TMEM67: variants seen among roughly 807,000 people sequenced by gnomAD.
TMEM67 encodes the protein transmembrane protein 67, also known as meckelin.
Under a neutral mutation model 136.6 loss-of-function variants are expected in TMEM67, and 124 were observed. The observed-to-expected ratio is 0.91, with a 90% CI of 0.78 to 1.05. The LOEUF is 1.05. Among genes scored for constraint, TMEM67 ranks in the 50% least tolerant of loss-of-function variants. TMEM67 has a pLI of 0.00. For synonymous variants in TMEM67, 364 were observed against 390.5 expected (o/e 0.93, Z 0.80); for missense variants, 1,107 against 1,178.4 (o/e 0.94, Z 0.89).
intron 14 of TMEM67, among the ~76,000 whole-genome samples, chr8:93,789,939 A>G (rs1001769213): frequency 6.6e-6 from 1 of 151,602 alleles, no homozygotes; most frequent in Non-Finnish European, 1.5e-5. Context: ...TTATCTGGGC[A>G]TGGTGGCAGG....
chr8:93,792,543 A>G (rs961101281), intron 15 of TMEM67, among the ~76,000 whole-genome samples: 1 of 152,168 alleles, frequency 6.6e-6, no homozygotes, highest in African/African-American at 2.4e-5. Flanking sequence ...TATTTGCCTG[A>G]TGGTGATTTT....
chr8:93,801,296 GGAAT>G (rs766648164), intron 21 of TMEM67, among the ~76,000 whole-genome samples: 204 of 152,124 alleles, frequency 1.3e-3, no homozygotes, highest in Non-Finnish European at 2.5e-3. Flanking sequence ...GTACAGTGAT[GGAAT>G]CATAGTTCAC....
At chr8:93,804,317 T>C (rs1218568340) in intron 22 of TMEM67, among the ~76,000 whole-genome samples, 1 of 133,736 alleles carries the variant, frequency 7.5e-6, no homozygotes, top group African/African-American at 3.1e-5. Context: ...TTTCTTTTTT[T>C]TTTTTTTTTT....
At chr8:93,802,697 G>T (rs762443590) in intron 21 of TMEM67, among the ~76,000 whole-genome samples, 22 of 152,086 alleles carry the variant, frequency 1.4e-4, no homozygotes, top group Non-Finnish European at 2.8e-4. Flanking sequence ...GCTTTTAAGT[G>T]GTGTCTTTTA....
At chr8:93,801,457 A>G (rs1261917406) in intron 21 of TMEM67, among the ~76,000 whole-genome samples, 1 of 150,442 alleles carries the variant, frequency 6.6e-6, no homozygotes, top group Non-Finnish European at 1.5e-5. Context: ...GCTGTAGTGC[A>G]GTGGCGTGAT....
chr8:93,803,528 A>G (rs539566310), intron 21 of TMEM67, 76 bp from the exon 22 acceptor site: 1 of 946,364 alleles, frequency 1.1e-6, no homozygotes, highest in East Asian at 2.4e-5. Context: ...TTTTTTCTTA[A>G]GATGCTACAC....
Position 93,765,632 on chromosome 8 carries a change from C to T in TMEM67, c.637C>T (p.Arg213Cys), listed in dbSNP as rs1356516823. The T allele has an allele frequency of 4.3e-6, 7 of 1,610,842 alleles. No individual in the cohort carries two copies. Among genetic ancestry groups the T allele is most frequent in the Admixed American group, 1.7e-5 (1 of 60,004 alleles). Reference protein sequence around the residue: ...NFPLRRISAARYGEVGMSLTS... With the variant: ...NFPLRRISAACYGEVGMSLTS... ...TCCTCTACGTAGAATTTCAGCTGCA[C>T]GTTATGGAGAAGTTGTGAGTATGTT... The change falls in exon 6 of 28, where the codon CGT becomes TGT. Residue 213 changes from arginine (R) to cysteine (C), a missense_variant. Arg to Cys is a radical substitution (Grantham distance 180, BLOSUM62 -3). This residue lies in a region of TMEM67 where 925 missense variants were observed against 1,002.4 expected (regional missense o/e 0.92). Coordinates refer to ENST00000453321, the MANE Select transcript of TMEM67 (RefSeq NM_153704.6).
rs1415395577 is a variant in TMEM67, at chr8:93,780,916, A to G, written c.912A>G (p.Gly304=). 6.2e-7 allele frequency: 1 copy of G among 1,612,526 alleles called. No individual in the cohort carries two copies. Among genetic ancestry groups the G allele is most frequent in the Admixed American group, 1.7e-5 (1 of 60,022 alleles). Residue 304 remains glycine, a synonymous_variant, in exon 9 of 28, where the codon GGA becomes GGG. Coordinates refer to ENST00000453321, the MANE Select transcript of TMEM67 (RefSeq NM_153704.6). ...LPWLFYGDQL[G]LAPQVLSSTS... ...GGCTGTTTTATGGAGACCAGTTAGG[A>G]TTAGCACCTCAAGTGCTCAGTTCTA...
At chr8:93,755,984 C>CATAG in intron 2 of TMEM67, 118 bp downstream of exon 2, 1 of 611,894 alleles carries the variant, frequency 1.6e-6, no homozygotes, top group Non-Finnish European at 2.8e-6. Context: ...AATTACTATG[C>CATAG]TAATTTTATT....
intron 3 of TMEM67, among the ~76,000 whole-genome samples, chr8:93,763,444 CCTT>C (rs1401420748): frequency 6.6e-6 from 1 of 152,112 alleles, no homozygotes; most frequent in Non-Finnish European, 1.5e-5. Context: ...CTACTAAAAG[CCTT>C]CTAAGTTGCA....
Position 93,786,229 on chromosome 8 carries a change from A to T in TMEM67, c.1295A>T (p.Asn432Ile). ...TTTCTTTTTATAATAAAAGACAGCA[A>T]CTCTGGAAAGTGGCTTCTAACTCGG... is the stretch of plus-strand genomic sequence containing the variant. ...HNKIFVNQDS[N>I]SGKWLLTRRI... is the part of the protein sequence containing the mutation. The change falls in exon 13 of 28, where the codon AAC becomes ATC. Residue 432 changes from asparagine to isoleucine, a missense_variant. By Grantham distance (149) the Asn-to-Ile change is moderately radical. Transcript: ENST00000453321. The T allele has an allele frequency of 6.2e-7, 1 of 1,613,934 alleles. No individual in the cohort carries two copies. Among genetic ancestry groups the T allele is most frequent in the Non-Finnish European group, 8.5e-7 (1 of 1,179,952 alleles).
At chr8:93,811,645 TA>T (rs1303693978) in intron 26 of TMEM67, among the ~76,000 whole-genome samples, 1 of 152,168 alleles carries the variant, frequency 6.6e-6, no homozygotes, top group Non-Finnish European at 1.5e-5. Context: ...TAATCACCCT[TA>T]ATCTATTTTT....
intron 6 of TMEM67, among the ~76,000 whole-genome samples, chr8:93,766,210 G>A (rs956191745): frequency 2.0e-5 from 3 of 151,790 alleles, no homozygotes; most frequent in Non-Finnish European, 4.4e-5. Context: ...TGCAACCTCC[G>A]CCTCCCAGGT....
intron 14 of TMEM67, among the ~76,000 whole-genome samples, chr8:93,788,719 A>G (rs780044646): frequency 2.6e-5 from 4 of 152,216 alleles, no homozygotes; most frequent in Admixed American, 1.3e-4. Flanking sequence ...CTTTATAACT[A>G]GTATTGCTAA....
At chr8:93,814,036 T>TA (rs1404271534) in intron 26 of TMEM67, among the ~76,000 whole-genome samples, 2 of 152,100 alleles carry the variant, frequency 1.3e-5, no homozygotes, top group African/African-American at 4.8e-5. Context: ...CCCTCTTGTA[T>TA]AAAGCAGATG....
At chr8:93,765,518 A>G (rs1438938187) in intron 5 of TMEM67, 43 bp downstream of exon 5, 4 of 1,599,516 alleles carry the variant, frequency 2.5e-6, no homozygotes, top group Non-Finnish European at 3.4e-6. Flanking sequence ...TTTTTAATTC[A>G]GTTGCTTATG....
chr8:93,794,939 A>G (rs1335059729), intron 16 of TMEM67: 1 of 187,222 alleles, frequency 5.3e-6, no homozygotes, highest in Admixed American at 5.4e-5. Context: ...CATTGACTAC[A>G]TGGCTGGAAC....
chr8:93,755,923 T>G, intron 2 of TMEM67, 57 bp downstream of exon 2: 1 of 930,940 alleles, frequency 1.1e-6, no homozygotes, highest in Non-Finnish European at 1.7e-6. Flanking sequence ...GTTAAATATC[T>G]TTATTTTTCA....
At chr8:93,765,292 A>G (rs1043294151) in intron 4 of TMEM67, 114 bp from the exon 5 acceptor site, 3 of 808,336 alleles carry the variant, frequency 3.7e-6, no homozygotes, top group South Asian at 1.6e-5. Flanking sequence ...ACATATTTAC[A>G]TAATTGCTTA....
Sources: allele counts gnomAD v4.1 joint callset (sites outside exome capture counted in the v4.1 genomes callset), GRCh38; gene constraint gnomAD v4.1.1; regional missense constraint gnomAD v4.1.1; transcripts MANE v1.5; gene names NCBI Gene and HGNC (gene_info 2026-07-23, HGNC 2026-07-21).